Variants in ZNF860 observed in about 807,000 individuals in gnomAD.
ZNF860 encodes the protein zinc finger protein 860.
For synonymous variants in ZNF860, 206 were observed against 248.9 expected (o/e 0.83, Z 1.62); for missense variants, 641 against 759.2 (o/e 0.84, Z 1.83).
At chr3:31,993,009 A>C (rs538584388), downstream of ZNF860, among the ~76,000 whole-genome samples, 2 of 152,274 alleles carry the variant, frequency 1.3e-5, no homozygotes, top group African/African-American at 4.8e-5. Flanking sequence ...TCTCTAAAAA[A>C]TAAACAAATA....
rs1373529883 is a variant in ZNF860 at position 31,990,945 on chromosome 3, C to G, written c.1866C>G (p.Tyr622Ter). The change falls in exon 2 of 2, where the codon TAC becomes TAG. Residue 622 changes from tyrosine to a stop codon, truncating the protein, a stop_gained. Transcript: ENST00000360311. LOFTEE classifies it low-confidence loss of function (END_TRUNC). Reference sequence around the variant, plus strand: ...GAATCCATACCGGACAGAAATCTTACAAATGTCATAAGCGTGGCAAGGTCT... The same window carrying G: ...GAATCCATACCGGACAGAAATCTTAGAAATGTCATAAGCGTGGCAAGGTCT... ...HQRIHTGQKS[Y>*]KCHKRGKVFS 6.3e-7 allele frequency: 1 copy of G among 1,575,770 alleles called. No homozygotes were observed. Among genetic ancestry groups the G allele is most frequent in the African/African-American group, 1.4e-5 (1 of 73,900 alleles).
chr3:31,989,402 A>G lies in ZNF860; in HGVS notation c.323A>G (p.Asp108Gly). 1.2e-6 allele frequency: 2 copies of G among 1,614,220 alleles called. No individual in the cohort carries two copies. Among genetic ancestry groups the G allele is most frequent in the Non-Finnish European group, 1.7e-6 (2 of 1,180,024 alleles). ...TTTTGCTTCCAGAAAATTGGGAAAG[A>G]TATTCATGACTTTGAGTTTCAATGG... ...GDFCFQKIGK[D>G]IHDFEFQWQE... Residue 108 changes from aspartate to glycine, a missense_variant, in exon 2 of 2, where the codon GAT (aspartate) becomes GGT (glycine). Coordinates refer to ENST00000360311, the MANE Select transcript of ZNF860 (RefSeq NM_001137674.3).
chr3:31,982,605 G>A (rs1698872646), intron 1 of ZNF860, among the ~76,000 whole-genome samples: 1 of 151,838 alleles, frequency 6.6e-6, no homozygotes, highest in South Asian at 2.1e-4. Flanking sequence ...AAGAGAAGTG[G>A]TTGTGCCCCT....
chr3:32,000,831 G>T, the ZNF860 span, among the ~76,000 whole-genome samples: 1 of 152,286 alleles, frequency 6.6e-6, no homozygotes, highest in Admixed American at 6.5e-5. Context: ...GTTCACATGG[G>T]AAATACCTTT....
At chr3:32,006,361 C>T in the ZNF860 span, among the ~76,000 whole-genome samples, 1 of 152,196 alleles carries the variant, frequency 6.6e-6, no homozygotes, top group Non-Finnish European at 1.5e-5. Flanking sequence ...ATTTCTGTCA[C>T]TTTTTGATGA....
At chr3:32,005,626 T>C in the ZNF860 span, among the ~76,000 whole-genome samples, 3,409 of 151,978 alleles carry the variant, frequency 0.022, 57 homozygotes, top group Middle Eastern at 0.055. Context: ...TTTCACTCTG[T>C]TGCCAGGCTG....
At chr3:31,982,287 T>C (rs62244396) in intron 1 of ZNF860, among the ~76,000 whole-genome samples, 10,498 of 152,228 alleles carry the variant, frequency 0.069, 642 homozygotes, top group East Asian at 0.32. Flanking sequence ...TTTGTGAATA[T>C]AGATATCCAT....
At chr3:32,002,352 C>G in the ZNF860 span, among the ~76,000 whole-genome samples, 1 of 152,156 alleles carries the variant, frequency 6.6e-6, no homozygotes, top group African/African-American at 2.4e-5. Context: ...CATAGGGTAT[C>G]TCCCCAAACA....
downstream of ZNF860, among the ~76,000 whole-genome samples, chr3:31,992,688 A>C (rs1699047068): frequency 6.6e-6 from 1 of 152,210 alleles, no homozygotes; most frequent in South Asian, 2.1e-4. Flanking sequence ...CTAGACATCT[A>C]TATGCAAAAA....
intron 1 of ZNF860, among the ~76,000 whole-genome samples, chr3:31,985,157 T>A (rs1266319072): frequency 6.6e-6 from 1 of 152,172 alleles, no homozygotes; most frequent in African/African-American, 2.4e-5. Context: ...GAAAATCGCT[T>A]GAACCCAGAA....
downstream of ZNF860, among the ~76,000 whole-genome samples, chr3:31,993,548 C>G (rs1306198493): frequency 6.6e-6 from 1 of 152,286 alleles, no homozygotes; most frequent in East Asian, 1.9e-4. Flanking sequence ...TGAGCATTCA[C>G]TTCACCAAAT....
chr3:32,006,357 G>C, the ZNF860 span, among the ~76,000 whole-genome samples: 2 of 152,168 alleles, frequency 1.3e-5, no homozygotes, highest in African/African-American at 2.4e-5. Flanking sequence ...TATTATTTCT[G>C]TCACTTTTTG....
At chr3:31,986,841 A>G (rs1698940051) in intron 1 of ZNF860, among the ~76,000 whole-genome samples, 1 of 151,946 alleles carries the variant, frequency 6.6e-6, no homozygotes, top group Admixed American at 6.6e-5. Context: ...TCCATCTCCA[A>G]AAAAATTTTT....
At chr3:31,988,501 G>A (rs1300513734) in intron 1 of ZNF860, among the ~76,000 whole-genome samples, 159 bp from the exon 2 acceptor site, 2 of 152,186 alleles carry the variant, frequency 1.3e-5, no homozygotes, top group Non-Finnish European at 2.9e-5. Flanking sequence ...CTCCCCTCTT[G>A]AGTGTGGGAT....
chr3:31,985,301 C>T (rs1559542801), intron 1 of ZNF860, among the ~76,000 whole-genome samples: 1 of 152,134 alleles, frequency 6.6e-6, no homozygotes, highest in African/African-American at 2.4e-5. Context: ...AGGACCATTT[C>T]CTTAATTTAC....
the ZNF860 span, among the ~76,000 whole-genome samples, chr3:32,000,518 A>G: frequency 6.6e-6 from 1 of 152,224 alleles, no homozygotes; most frequent in Admixed American, 6.5e-5. Flanking sequence ...ACTCCCATAT[A>G]AAGGATAATC....
chr3:31,990,925 C>A lies in ZNF860; in HGVS notation c.1846C>A (p.His616Asn). ...ACATCGCATTAGACATCAGAGAATC[C>A]ATACCGGACAGAAATCTTACAAATG... ...HSHRIRHQRI[H>N]TGQKSYKCHK... is the part of the protein sequence containing the mutation. Residue 616 changes from histidine to asparagine, a missense_variant, in exon 2 of 2, where the codon CAT (histidine) becomes AAT (asparagine). Physicochemically the swap from His to Asn is moderately conservative, Grantham distance 68. Transcript: ENST00000360311. 6.4e-7 allele frequency: 1 copy of A among 1,574,668 alleles called. No homozygotes were observed. The highest frequency in any genetic ancestry group is 8.6e-7 in the Non-Finnish European group (1 of 1,158,848).
At chr3:32,000,614 A>T in the ZNF860 span, among the ~76,000 whole-genome samples, 1 of 152,236 alleles carries the variant, frequency 6.6e-6, no homozygotes, top group Non-Finnish European at 1.5e-5. Flanking sequence ...GGCTGTTCTC[A>T]GCACGGTTTG....
At chr3:31,985,665 C>T (rs1653574691) in intron 1 of ZNF860, among the ~76,000 whole-genome samples, 1 of 152,146 alleles carries the variant, frequency 6.6e-6, no homozygotes, top group Non-Finnish European at 1.5e-5. Flanking sequence ...GAAGCTTGGC[C>T]ACGAATAGAG....
Sources: allele counts gnomAD v4.1 joint callset (sites outside exome capture counted in the v4.1 genomes callset), GRCh38; gene constraint gnomAD v4.1.1; transcripts MANE v1.5; gene names NCBI Gene and HGNC (gene_info 2026-07-23, HGNC 2026-07-21).